The following PRPF18 variants were observed in gnomAD, a reference collection of about 807,000 sequenced individuals.
PRPF18 encodes the protein pre-mRNA-splicing factor 18.
Under a neutral mutation model 46.5 loss-of-function variants are expected in PRPF18, and 38 were observed. The ratio of observed to expected loss-of-function variants is 0.82; its 90% CI spans 0.63 to 1.07. The LOEUF is 1.07. PRPF18 is among the 50% of genes least tolerant of loss of function. The pLI is 0.00. For synonymous variants in PRPF18, 152 were observed against 146.7 expected, an observed-to-expected ratio of 1.04 and a Z score of -0.26; for missense variants, 263 against 410.0, an observed-to-expected ratio of 0.64 and a Z score of 3.10.
intron 9 of PRPF18, among the ~76,000 whole-genome samples, chr10:13,625,190 C>G (rs896093198): frequency 6.6e-6 from 1 of 151,866 alleles, no homozygotes; most frequent in Non-Finnish European, 1.5e-5. Flanking sequence ...TTTAGCTGGA[C>G]GTGGTGGTGC....
At chr10:13,652,685 C>G in the PRPF18 span, among the ~76,000 whole-genome samples, 6 of 152,198 alleles carry the variant, frequency 3.9e-5, no homozygotes, top group East Asian at 1.2e-3. Flanking sequence ...GAACACCGAG[C>G]TGGGGCTCCA....
intron 9 of PRPF18, among the ~76,000 whole-genome samples, chr10:13,628,885 C>T (rs998791790): frequency 5.3e-5 from 8 of 152,154 alleles, no homozygotes; most frequent in Admixed American, 4.6e-4. Flanking sequence ...AGAGCTCAAT[C>T]GTGGTGTGTC....
intron 9 of PRPF18, among the ~76,000 whole-genome samples, chr10:13,629,702 G>C (rs966229802): frequency 2.0e-5 from 3 of 152,196 alleles, no homozygotes; most frequent in African/African-American, 7.2e-5. Flanking sequence ...TTGCTTCTAA[G>C]ATTCATATAC....
At chr10:13,648,015 CA>C in the PRPF18 span, 1 of 145,398 alleles carries the variant, frequency 6.9e-6, no homozygotes, top group East Asian at 2.1e-4. Flanking sequence ...ATTTCGGTAC[CA>C]AACACAGCTT....
the PRPF18 span, chr10:13,655,750 TCTGA>T: frequency 6.6e-6 from 1 of 152,212 alleles, no homozygotes; most frequent in Non-Finnish European, 1.5e-5. Context: ...CCCATTTGCT[TCTGA>T]CTCTCATTTT....
chr10:13,652,318 A>G, the PRPF18 span: 1 of 339,678 alleles, frequency 2.9e-6, no homozygotes. Context: ...TTTCAAGACC[A>G]TCTTAAGTGC....
At chr10:13,654,060 T>C in the PRPF18 span, 2,149 of 446,102 alleles carry the variant, frequency 4.8e-3, 28 homozygotes, top group African/African-American at 0.034. Context: ...TTTCTCCCCC[T>C]GACATTCTTG....
At chr10:13,615,243 A>G (rs1373715616) in intron 8 of PRPF18, among the ~76,000 whole-genome samples, 1 of 152,236 alleles carries the variant, frequency 6.6e-6, no homozygotes, top group Admixed American at 6.5e-5. Flanking sequence ...CTTTCCTCTT[A>G]CTGCTTTTTC....
chr10:13,590,620 CAAAAA>C lies in PRPF18; in HGVS notation c.66+3482_66+3486del, dbSNP rs35395677. Among the ~76,000 whole-genome samples, 5 of 84,420 alleles carry C rather than the reference CAAAAA, an allele frequency of 5.9e-5. No individual in the cohort carries two copies. The Admixed American group carries it at 6.9e-4, about 12-fold the overall frequency. 55.4% of individuals were successfully genotyped at this position (84,420 alleles called of 152,430 possible). A position where few individuals can be genotyped will look rare whatever the true frequency, so the allele number is the denominator to read the frequency against. ...TGGGCGACAGAGCGAGACTCCATCT[CAAAAA>C]AAAAAAAAAAAAATACTGACATTCA... On this transcript the variant is annotated intron_variant, in intron 1 of 9. Transcript: ENST00000378572.
intron 5 of PRPF18, 46 bp downstream of exon 5, chr10:13,610,231 TC>T (rs2080251141): frequency 6.3e-7 from 1 of 1,581,534 alleles, no homozygotes; most frequent in African/African-American, 1.3e-5. Flanking sequence ...CCCTTCTTTT[TC>T]CTCTGGAGCA....
chr10:13,590,556 G>C (rs2079944982), intron 1 of PRPF18, among the ~76,000 whole-genome samples: 1 of 150,410 alleles, frequency 6.6e-6, no homozygotes, highest in Non-Finnish European at 1.5e-5. Context: ...GGGAGGCGGG[G>C]CTTGCAGTGA....
At chr10:13,610,934 A>T (rs6602668) in intron 5 of PRPF18, among the ~76,000 whole-genome samples, 2 of 152,006 alleles carry the variant, frequency 1.3e-5, no homozygotes, top group Non-Finnish European at 2.9e-5. Flanking sequence ...GTTAGTGTAT[A>T]ATCTTAATTA....
chr10:13,634,024 T>C (rs10906434), downstream of PRPF18, among the ~76,000 whole-genome samples: 84,823 of 151,946 alleles, frequency 0.56, 24,102 homozygotes, highest in East Asian at 0.81. Flanking sequence ...CATTTGAAAT[T>C]TAAAAATAAT....
the PRPF18 span, chr10:13,649,328 T>G: frequency 1.6e-5 from 2 of 128,778 alleles, no homozygotes; most frequent in Non-Finnish European, 3.7e-5. Context: ...CTGTGGTGGT[T>G]TATTTGGTAT....
intron 6 of PRPF18, among the ~76,000 whole-genome samples, chr10:13,612,972 T>G (rs2080293354): frequency 6.6e-6 from 1 of 152,228 alleles, no homozygotes; most frequent in South Asian, 2.1e-4. Context: ...GAGATTTACA[T>G]GCAAGGAATG....
At chr10:13,608,742 GT>G (rs1226432616) in intron 4 of PRPF18, among the ~76,000 whole-genome samples, 7 of 152,212 alleles carry the variant, frequency 4.6e-5, no homozygotes, top group Non-Finnish European at 1.0e-4. Flanking sequence ...TCTCTTCCTG[GT>G]GGGCAAAGGC....
At chr10:13,633,700 G>A (rs533014066), downstream of PRPF18, among the ~76,000 whole-genome samples, 2 of 152,140 alleles carry the variant, frequency 1.3e-5, no homozygotes, top group Non-Finnish European at 2.9e-5. Context: ...TGCATGTCTG[G>A]TAAACACAAC....
intron 8 of PRPF18, 81 bp from the exon 9 acceptor site, chr10:13,616,317 G>C: frequency 7.2e-7 from 1 of 1,383,534 alleles, no homozygotes; most frequent in East Asian, 2.3e-5. Context: ...CATCATAAAG[G>C]GCTGTGAAAT....
the PRPF18 span, chr10:13,651,929 TG>T: frequency 6.3e-7 from 1 of 1,593,504 alleles, no homozygotes; most frequent in Non-Finnish European, 8.6e-7. Flanking sequence ...TTTGGTGAGG[TG>T]GAGACTCAGA....
Sources: gnomAD v4.1 joint callset for allele counts (sites outside exome capture counted in the v4.1 genomes callset) on GRCh38, gnomAD v4.1.1 for gene constraint, MANE v1.5 for transcripts, NCBI Gene and HGNC (gene_info 2026-07-23, HGNC 2026-07-21) for gene names.